The following RSPH6A variants were observed in gnomAD, a reference collection of about 807,000 sequenced individuals.
RSPH6A encodes radial spoke head 6 homolog A.
A neutral mutation model predicts 66.1 loss-of-function variants in RSPH6A; 49 were observed. The ratio of observed to expected loss-of-function variants is 0.74; its 90% confidence interval spans 0.59 to 0.94. RSPH6A has a LOEUF of 0.94. Ranked by LOEUF, RSPH6A falls within the 40% of genes least tolerant of loss-of-function variation. The pLI is 0.00. For synonymous variants in RSPH6A, 419 were observed against 402.4 expected (o/e 1.04, Z -0.49); for missense variants, 977 against 948.3 (o/e 1.03, Z -0.40).
In RSPH6A at chr19:45,802,210, C is replaced by T. The variant is rs1970482035; in HGVS notation, c.1708G>A (p.Gly570Arg). The T allele has an allele frequency of 6.5e-7, 1 of 1,548,768 alleles. No homozygotes were observed. The highest frequency in any genetic ancestry group is 8.7e-7 in the Non-Finnish European group (1 of 1,143,406). ...TCATCTGCCTTCTCTTCCTCCTCCC[C>T]CAGGTCCTCCTCCTCCTCTGTCTTC... is the stretch of plus-strand genomic sequence containing the variant. ...LQKTEEEEDLGEEEEKADEGP... is the reference protein window; with the variant it reads ...LQKTEEEEDLREEEEKADEGP... The change falls in exon 4 of 6, where the codon GGG (glycine) becomes AGG (arginine). Residue 570 changes from glycine (G) to arginine (R), a missense_variant. Gly to Arg is a moderately radical substitution (Grantham distance 125). Transcript: ENST00000221538.
chr19:45,811,743 G>GTATTATTAATTATTAT (rs755013855), intron 1 of RSPH6A, among the ~76,000 whole-genome samples: 1 of 118,488 alleles, frequency 8.4e-6, no homozygotes, highest in Non-Finnish European at 1.8e-5. Flanking sequence ...GCCAACATTT[G>GTATTATTAATTATTAT]TATTATTATT....
intron 1 of RSPH6A, among the ~76,000 whole-genome samples, chr19:45,812,245 T>A: frequency 6.6e-6 from 1 of 151,544 alleles, no homozygotes; most frequent in East Asian, 1.9e-4. Flanking sequence ...TGTGCCAACA[T>A]GCCTGGCTAA....
At chr19:45,798,497 G>A (rs1301819400) in intron 5 of RSPH6A, among the ~76,000 whole-genome samples, 8 of 144,872 alleles carry the variant, frequency 5.5e-5, no homozygotes, top group Non-Finnish European at 9.0e-5. Context: ...CCGTGATCAC[G>A]CCACTGCACT....
At position 45,796,115 on chromosome 19, in the gene RSPH6A, G is replaced by A; in HGVS notation, c.1917-9C>T. ...AGATGTTCTCAAACTTTCTGGAGAA[G>A]CAGTGAGACACTGTGAAATTCTCCC... is the stretch of plus-strand genomic sequence containing the variant. On this transcript the variant is annotated splice_polypyrimidine_tract_variant and intron_variant, in intron 5 of 5. Coordinates refer to ENST00000221538, the MANE Select transcript of RSPH6A (RefSeq NM_030785.4). The A allele has an allele frequency of 6.5e-7, 1 of 1,533,186 alleles. No homozygotes were observed. Among genetic ancestry groups the A allele is most frequent in the South Asian group, 1.3e-5 (1 of 79,670 alleles). The allele number at this position is 1,533,186 out of a possible 1,614,324, so 95.0% of individuals were successfully genotyped here.
chr19:45,795,833 T>C lies in RSPH6A; in HGVS notation c.*36A>G. On this transcript the variant is annotated 3_prime_UTR_variant, in exon 6 of 6. Coordinates refer to ENST00000221538, the MANE Select transcript of RSPH6A (RefSeq NM_030785.4). ...ACTACCTCTAAGGGGAAATTTGCTA[T>C]CTACCTGCTTGGGGAAAGTGGCTAG... The C allele has an allele frequency of 6.4e-7, 1 of 1,560,160 alleles. No individual in the cohort carries two copies. Among genetic ancestry groups the C allele is most frequent in the South Asian group, 1.2e-5 (1 of 86,166 alleles).
chr19:45,800,590 G>A (rs777751337), intron 4 of RSPH6A, 27 bp from the exon 5 acceptor site: 4 of 1,590,706 alleles, frequency 2.5e-6, no homozygotes, highest in Non-Finnish European at 3.4e-6. Context: ...GCAGAGGGGG[G>A]CAGCAGGGTC....
chr19:45,810,511 T>C, intron 2 of RSPH6A, 92 bp downstream of exon 2: 1 of 1,211,284 alleles, frequency 8.3e-7, no homozygotes. Flanking sequence ...CAATGCTGTC[T>C]TTCGCCTCCA....
At chr19:45,800,350 C>G in intron 5 of RSPH6A, 96 bp downstream of exon 5, 1 of 1,065,732 alleles carries the variant, frequency 9.4e-7, no homozygotes, top group Non-Finnish European at 1.4e-6. Flanking sequence ...GGGGGCCCTC[C>G]CCATCTCTGC....
chr19:45,807,172 C>T (rs1000098734), intron 2 of RSPH6A, among the ~76,000 whole-genome samples: 2 of 150,940 alleles, frequency 1.3e-5, no homozygotes, highest in African/African-American at 4.9e-5. Flanking sequence ...GATTACAGGC[C>T]TGAGCCACTG....
At position 45,810,600 on chromosome 19, in the gene RSPH6A, C is replaced by A. The variant is rs1600479382; in HGVS notation, c.888+3G>T. ...GCCCACCTCTCCTGACTGGCTCACT[C>A]ACCACCTCCTCCTCCATCTCCTGTT... On this transcript the variant is annotated splice_donor_region_variant and intron_variant, in intron 2 of 5. Coordinates refer to ENST00000221538, the MANE Select transcript of RSPH6A (RefSeq NM_030785.4). 2 of 1,613,580 alleles carry A rather than the reference C, an allele frequency of 1.2e-6. No homozygotes were observed. The highest frequency in any genetic ancestry group is 2.2e-5 in the South Asian group (2 of 91,030).
intron 5 of RSPH6A, among the ~76,000 whole-genome samples, chr19:45,798,005 A>G (rs1416448507): frequency 1.3e-5 from 2 of 152,136 alleles, no homozygotes; most frequent in East Asian, 3.8e-4. Context: ...AAGGAAGAGG[A>G]ATAGATGGGA....
At chr19:45,797,256 T>C (rs1335404686) in intron 5 of RSPH6A, among the ~76,000 whole-genome samples, 1 of 151,268 alleles carries the variant, frequency 6.6e-6, no homozygotes, top group African/African-American at 2.4e-5. Flanking sequence ...GGCAGGCGCC[T>C]GTAGTCCCAG....
Position 45,800,527 on chromosome 19 carries a change from G to A in RSPH6A, c.1835C>T (p.Ser612Phe), listed in dbSNP as rs2146281893. Residue 612 changes from serine (S) to phenylalanine (F), a missense_variant, in exon 5 of 6, where the codon TCC becomes TTC. Physicochemically the swap from Ser to Phe is radical, Grantham distance 155. Coordinates refer to ENST00000221538, the MANE Select transcript of RSPH6A (RefSeq NM_030785.4). ...TGAGTACTGCGGGCAGAGGCTGCAG[G>A]ACAGGCGGGTGGTCCAGGGTGCCAG... is the stretch of plus-strand genomic sequence containing the variant. ...MHLAPWTTRL[S>F]CSLCPQYSVA... 6.2e-7 allele frequency: 1 copy of A among 1,613,358 alleles called. No homozygotes were observed. Among genetic ancestry groups the A allele is most frequent in the East Asian group, 2.2e-5 (1 of 44,856 alleles).
At position 45,810,925 on chromosome 19, in the gene RSPH6A, T is replaced by G. The variant is rs548092762; in HGVS notation, c.651-85A>C. The G allele has an allele frequency of 2.7e-6, 3 of 1,119,874 alleles. No individual in the cohort carries two copies. The African/African-American group carries it at 4.6e-5, about 17-fold the overall frequency. The allele number at this position is 1,119,874 out of a possible 1,614,324, so 69.4% of individuals were successfully genotyped here. On this transcript the variant is annotated intron_variant, in intron 1 of 5. Coordinates refer to ENST00000221538, the MANE Select transcript of RSPH6A (RefSeq NM_030785.4). The stretch of plus-strand genomic sequence containing the variant: ...GCTCCCATGTGCCTGGCCCTGTGCC[T>G]GGTGCTGGGGACACAGTAGGGAACT...
intron 3 of RSPH6A, 151 bp from the exon 4 acceptor site, chr19:45,802,415 A>T (rs1970485093): frequency 1.9e-6 from 1 of 533,872 alleles, no homozygotes; most frequent in Admixed American, 4.4e-5. Flanking sequence ...AGCTAAGGGG[A>T]GGTGGGAAAC....
Position 45,795,902 on chromosome 19 carries a change from C to T in RSPH6A, c.2121G>A (p.Glu707=). 6.2e-7 allele frequency: 1 copy of T among 1,612,842 alleles called. No individual in the cohort carries two copies. Among genetic ancestry groups the T allele is most frequent in the Non-Finnish European group, 8.5e-7 (1 of 1,179,546 alleles). ...CTGTCTCCTCGCCCTCCTCCTCCTC[C>T]TCGCCCTCCTCCTCCTCCTCTGTGG... The part of the protein sequence containing the change: ...LGATEEEEEG[E]EEEEGEETDD Residue 707 remains glutamate, a synonymous_variant, in exon 6 of 6, where the codon GAG becomes GAA. Coordinates refer to ENST00000221538, the MANE Select transcript of RSPH6A (RefSeq NM_030785.4).
At chr19:45,807,656 G>C (rs1970564876) in intron 2 of RSPH6A, among the ~76,000 whole-genome samples, 2 of 152,030 alleles carry the variant, frequency 1.3e-5, no homozygotes, top group African/African-American at 4.8e-5. Flanking sequence ...GACTACAGGT[G>C]CACACCACCA....
chr19:45,812,774 C>A (rs1382844951), intron 1 of RSPH6A, among the ~76,000 whole-genome samples: 1 of 152,036 alleles, frequency 6.6e-6, no homozygotes, highest in Non-Finnish European at 1.5e-5. Context: ...TGGCTCACTG[C>A]AGCCTCTGCC....
chr19:45,804,618 A>G lies in RSPH6A; in HGVS notation c.1287T>C (p.Phe429=). The part of the protein sequence containing the change: ...SRSGANKYLY[F]VCNEPGLPWT... The stretch of plus-strand genomic sequence containing the variant: ...ATGGCAGGCCCGGCTCGTTGCACAC[A>G]AAGTACAGGTACTTGTTGGCGCCTG... Residue 429 remains phenylalanine, a synonymous_variant, in exon 3 of 6, where the codon TTT becomes TTC. Transcript: ENST00000221538. This position sits in a 1 kb window ranked among gnomAD's most constrained non-coding sequence, Gnocchi z 5.8. 3 of 1,614,078 alleles carry G rather than the reference A, an allele frequency of 1.9e-6. No homozygotes were observed. Among genetic ancestry groups the G allele is most frequent in the Non-Finnish European group, 1.7e-6 (2 of 1,180,000 alleles).
Sources: gnomAD v4.1 joint callset for allele counts (sites outside exome capture counted in the v4.1 genomes callset) on GRCh38, gnomAD v4.1.1 for gene constraint, Gnocchi (gnomAD v3.1) non-coding constraint, MANE v1.5 for transcripts, NCBI Gene and HGNC (gene_info 2026-07-23, HGNC 2026-07-21) for gene names.